PLEKHB2: variants seen among roughly 807,000 people sequenced by gnomAD.
The protein encoded by PLEKHB2 is pleckstrin homology domain containing B2.
PLEKHB2 carries 31 observed loss-of-function variants against 36.5 expected under a neutral mutation model. The ratio of observed to expected loss-of-function variants is 0.85; its 90% confidence interval spans 0.64 to 1.15. The LOEUF is 1.15. Among genes scored for constraint, PLEKHB2 ranks in the 50% most tolerant of loss-of-function variants. PLEKHB2 has a pLI of 0.00. For missense variants in PLEKHB2, 262 were observed against 295.3 expected (o/e 0.89, Z 0.83); for synonymous variants, 119 against 112.0 (o/e 1.06, Z -0.39).
intron 1 of PLEKHB2, among the ~76,000 whole-genome samples, chr2:131,115,541 G>A (rs1695777516): frequency 6.6e-6 from 1 of 151,620 alleles, no homozygotes; most frequent in African/African-American, 2.4e-5. Flanking sequence ...TTTTAGTAGA[G>A]ACGGGGTTTC....
At chr2:131,145,424 C>G (rs1699185615) in intron 7 of PLEKHB2, among the ~76,000 whole-genome samples, 1 of 152,052 alleles carries the variant, frequency 6.6e-6, no homozygotes, top group Non-Finnish European at 1.5e-5. Context: ...CACTGCAGCC[C>G]CCGCCTCCCA....
At chr2:131,131,034 C>T (rs1302583248) in intron 5 of PLEKHB2, among the ~76,000 whole-genome samples, 1 of 152,164 alleles carries the variant, frequency 6.6e-6, no homozygotes, top group Non-Finnish European at 1.5e-5. Context: ...AGTGATCCTC[C>T]CACTTTCGCC....
chr2:131,130,645 C>A, intron 4 of PLEKHB2, 76 bp from the exon 5 acceptor site: 1 of 1,111,336 alleles, frequency 9.0e-7, no homozygotes, highest in Non-Finnish European at 1.4e-6. Flanking sequence ...TTCAGGAATT[C>A]TGATGCCAGC....
intron 7 of PLEKHB2, among the ~76,000 whole-genome samples, chr2:131,141,524 C>T (rs1698782599): frequency 6.6e-6 from 1 of 151,376 alleles, no homozygotes; most frequent in South Asian, 2.1e-4. Context: ...CCTATAGTTC[C>T]AGCTACTCGG....
At chr2:131,113,735 C>T (rs1183310692) in intron 1 of PLEKHB2, among the ~76,000 whole-genome samples, 1 of 152,188 alleles carries the variant, frequency 6.6e-6, no homozygotes, top group African/African-American at 2.4e-5. Context: ...GAGAATTTGA[C>T]TTTCACGGAC....
rs971006270 is a variant in PLEKHB2, at chr2:131,136,218, C to T, written c.423+3227C>T. On this transcript the variant is annotated intron_variant, in intron 6 of 7. Coordinates refer to ENST00000693505, the MANE Select transcript of PLEKHB2 (RefSeq NM_001100623.2). ...CCCCGCCCGTCCCCTCTCCTCCTCT[C>T]CTCTCCTCTCTCCCCTGACCCCCTG... Among the ~76,000 whole-genome samples the T allele has an allele frequency of 5.1e-5, 7 of 136,670 alleles. No homozygotes were observed. The East Asian group carries it at 1.7e-3, about 33-fold the overall frequency. 89.7% of individuals were successfully genotyped at this position (136,670 alleles called of 152,430 possible). A position where few individuals can be genotyped will look rare whatever the true frequency, so the allele number is the denominator to read the frequency against.
chr2:131,142,636 A>G (rs547681937), intron 7 of PLEKHB2, among the ~76,000 whole-genome samples: 1 of 148,088 alleles, frequency 6.8e-6, no homozygotes, highest in East Asian at 2.0e-4. Flanking sequence ...CAATGTCATG[A>G]TCTTGGCTCA....
At chr2:131,120,816 A>G in intron 1 of PLEKHB2, 118 bp from the exon 2 acceptor site, 1 of 970,100 alleles carries the variant, frequency 1.0e-6, no homozygotes, top group South Asian at 1.3e-5. Context: ...GCACTGAGCT[A>G]AAATGGCCTT....
intron 7 of PLEKHB2, chr2:131,144,430 T>C (rs1335076166): frequency 3.3e-6 from 4 of 1,228,360 alleles, no homozygotes; most frequent in Middle Eastern, 3.1e-4. Context: ...TGACACGTCA[T>C]TGCACTGCAG....
intron 2 of PLEKHB2, among the ~76,000 whole-genome samples, chr2:131,121,400 C>T (rs890924655): frequency 3.9e-5 from 6 of 152,136 alleles, no homozygotes; most frequent in Non-Finnish European, 8.8e-5. Flanking sequence ...AGGCACACAC[C>T]ACCATGCCCG....
chr2:131,134,963 T>A (rs1293155656), intron 6 of PLEKHB2, among the ~76,000 whole-genome samples: 1 of 152,232 alleles, frequency 6.6e-6, no homozygotes, highest in Admixed American at 6.5e-5. Context: ...TGTTTCAGTT[T>A]TTTTAGTGAT....
chr2:131,135,636 C>G (rs1020958739), intron 6 of PLEKHB2, among the ~76,000 whole-genome samples: 1 of 151,756 alleles, frequency 6.6e-6, no homozygotes, highest in Admixed American at 6.6e-5. Flanking sequence ...GAGTCTCGCT[C>G]TGTCACCCAG....
intron 5 of PLEKHB2, 68 bp from the exon 6 acceptor site, chr2:131,132,834 A>G: frequency 1.2e-6 from 1 of 845,410 alleles, no homozygotes. Context: ...TAAAAGGGAC[A>G]ATGCACAGCA....
At chr2:131,140,838 C>T (rs1484508907) in intron 7 of PLEKHB2, among the ~76,000 whole-genome samples, 1 of 152,216 alleles carries the variant, frequency 6.6e-6, no homozygotes, top group Non-Finnish European at 1.5e-5. Context: ...ATGCTGGCCA[C>T]TGCTGGAACT....
rs747481001 is a variant in PLEKHB2, at chr2:131,126,768, A to G, written c.275A>G (p.Glu92Gly). 1.3e-6 allele frequency: 2 copies of G among 1,591,906 alleles called. No individual in the cohort carries two copies. The highest frequency in any genetic ancestry group is 4.5e-5 in the East Asian group (2 of 44,790). ...RDGKTISLCA[E>G]STDDCLAWKF... ...GGGAAAACAATTAGTCTTTGTGCAG[A>G]AAGCACAGATGATTGCTTGTAAGTT... The change falls in exon 4 of 8, where the codon GAA becomes GGA. Residue 92 changes from glutamate to glycine, a missense_variant. Glu to Gly is a moderately conservative substitution (Grantham distance 98, BLOSUM62 -2). Coordinates refer to ENST00000693505, the MANE Select transcript of PLEKHB2 (RefSeq NM_001100623.2).
rs1029440786 is a variant in PLEKHB2 at position 131,149,817 on chromosome 2, C to A, written c.*3044C>A. On this transcript the variant is annotated 3_prime_UTR_variant, in exon 8 of 8. Transcript: ENST00000693505. ...ATTGTACATTTGTAAGTGAAAATGTCAATACATTAAAGCATTAACCTTAAA... is the reference window on the plus strand; with the variant it reads ...ATTGTACATTTGTAAGTGAAAATGTAAATACATTAAAGCATTAACCTTAAA... The A allele has an allele frequency of 4.6e-5, 7 of 152,178 alleles. No individual in the cohort carries two copies. The highest frequency in any genetic ancestry group is 1.4e-4 in the African/African-American group (6 of 41,414). 9.4% of individuals were successfully genotyped at this position (152,178 alleles called of 1,614,324 possible).
intron 6 of PLEKHB2, 116 bp downstream of exon 6, chr2:131,133,107 AACAGAT>A: frequency 1.5e-6 from 1 of 670,742 alleles, no homozygotes; most frequent in Non-Finnish European, 2.7e-6. Flanking sequence ...TTCTTCTTAA[AACAGAT>A]GATTTCTTAT....
intron 2 of PLEKHB2, among the ~76,000 whole-genome samples, chr2:131,123,766 A>ACCACC (rs1696781973): frequency 8.7e-5 from 1 of 11,530 alleles, no homozygotes; most frequent in African/African-American, 3.2e-4. Context: ...CTCCTGGTCC[A>ACCACC]CCCCCCCCAC....
chr2:131,130,535 C>G (rs1449681740), intron 4 of PLEKHB2, among the ~76,000 whole-genome samples, 186 bp from the exon 5 acceptor site: 1 of 152,110 alleles, frequency 6.6e-6, no homozygotes, highest in African/African-American at 2.4e-5. Context: ...TTAAATATTA[C>G]ATATCTATTA....
Sources: allele counts gnomAD v4.1 joint callset (sites outside exome capture counted in the v4.1 genomes callset), GRCh38; gene constraint gnomAD v4.1.1; transcripts MANE v1.5; gene names NCBI Gene and HGNC (gene_info 2026-07-23, HGNC 2026-07-21).